The following SAMMSON variants were observed in gnomAD, a reference collection of about 807,000 sequenced individuals.
SAMMSON encodes survival associated mitochondrial melanoma specific oncogenic non-coding RNA.
At chr3:70,026,904 G>A (rs532875388) in intron 3 of SAMMSON, among the ~76,000 whole-genome samples, 1 of 152,128 alleles carries the variant, frequency 6.6e-6, no homozygotes, top group African/African-American at 2.4e-5. Flanking sequence ...AGCATCCCCG[G>A]ATGGTGGAAT....
chr3:70,124,673 G>A (rs1250130402), intron 4 of SAMMSON, among the ~76,000 whole-genome samples: 1 of 151,600 alleles, frequency 6.6e-6, no homozygotes, highest in Non-Finnish European at 1.5e-5. Flanking sequence ...AAATTAGCTG[G>A]GTGTGGTGGC....
intron 9 of SAMMSON, among the ~76,000 whole-genome samples, chr3:70,371,575 CTAGGCATT>C (rs1702970252): frequency 6.6e-6 from 1 of 151,710 alleles, no homozygotes; most frequent in South Asian, 2.1e-4. Flanking sequence ...AAATTTATTC[CTAGGCATT>C]TTATTTTTTA....
chr3:70,144,791 C>T (rs1351461262), intron 4 of SAMMSON, among the ~76,000 whole-genome samples: 1 of 152,126 alleles, frequency 6.6e-6, no homozygotes, highest in Non-Finnish European at 1.5e-5. Context: ...CTCTCTTTGC[C>T]TGCTGCCATC....
At chr3:70,034,868 T>C (rs2067079626) in intron 3 of SAMMSON, among the ~76,000 whole-genome samples, 1 of 151,984 alleles carries the variant, frequency 6.6e-6, no homozygotes, top group South Asian at 2.1e-4. Flanking sequence ...AACAAAACCC[T>C]TTTGTTCTAT....
At chr3:70,417,196 C>G (rs1281699488) in intron 2 of SAMMSON, among the ~76,000 whole-genome samples, 1 of 152,092 alleles carries the variant, frequency 6.6e-6, no homozygotes. Flanking sequence ...AGTATTTTAC[C>G]CCTTTACCAA....
At chr3:70,419,107 C>G (rs1214169941) in intron 2 of SAMMSON, among the ~76,000 whole-genome samples, 1 of 152,002 alleles carries the variant, frequency 6.6e-6, no homozygotes, top group East Asian at 1.9e-4. Flanking sequence ...TCACTGCAAT[C>G]TCTGCCTCCT....
chr3:70,380,333 C>A, intron 9 of SAMMSON, among the ~76,000 whole-genome samples: 1 of 151,972 alleles, frequency 6.6e-6, no homozygotes, highest in African/African-American at 2.4e-5. Flanking sequence ...AAAAGAGATA[C>A]GAGTACAAAA....
intron 7 of SAMMSON, among the ~76,000 whole-genome samples, chr3:70,346,163 A>AT (rs1702748949): frequency 1.3e-5 from 2 of 151,974 alleles, no homozygotes; most frequent in African/African-American, 4.8e-5. Flanking sequence ...ATTTTTTTGG[A>AT]TTTTAGCCAT....
intron 4 of SAMMSON, among the ~76,000 whole-genome samples, chr3:70,131,595 A>G (rs948118659): frequency 6.6e-6 from 1 of 152,132 alleles, no homozygotes; most frequent in Admixed American, 6.6e-5. Context: ...ATAATTTGCA[A>G]TTAAAAAAAA....
At chr3:70,151,967 G>A (rs960683037) in intron 4 of SAMMSON, among the ~76,000 whole-genome samples, 1 of 151,968 alleles carries the variant, frequency 6.6e-6, no homozygotes, top group African/African-American at 2.4e-5. Flanking sequence ...TTAAAAAATA[G>A]TGTTAAGGAT....
chr3:70,306,824 C>T (rs1702405676), intron 7 of SAMMSON, among the ~76,000 whole-genome samples: 1 of 152,106 alleles, frequency 6.6e-6, no homozygotes. Flanking sequence ...AAACTTATTT[C>T]AATACTCTTA....
At chr3:70,042,138 C>G (rs1244571484) in intron 3 of SAMMSON, among the ~76,000 whole-genome samples, 1 of 152,004 alleles carries the variant, frequency 6.6e-6, no homozygotes, top group East Asian at 1.9e-4. Context: ...GCACATATCC[C>G]TCATTTGAGA....
intron 3 of SAMMSON, among the ~76,000 whole-genome samples, chr3:70,042,997 A>G (rs2067111459): frequency 6.6e-6 from 1 of 152,148 alleles, no homozygotes; most frequent in Non-Finnish European, 1.5e-5. Flanking sequence ...GTATGTCCAC[A>G]CACAATAAAA....
chr3:70,041,889 AT>A (rs2067107720), intron 3 of SAMMSON, among the ~76,000 whole-genome samples: 1 of 152,120 alleles, frequency 6.6e-6, no homozygotes, highest in Non-Finnish European at 1.5e-5. Flanking sequence ...CAGGAAAAAA[AT>A]CTTGCAGTTA....
chr3:70,072,662 AAAAAC>A (rs2067234660), intron 4 of SAMMSON: 1 of 151,486 alleles, frequency 6.6e-6, no homozygotes, highest in Non-Finnish European at 1.5e-5. Flanking sequence ...AAAAAAAAAA[AAAAAC>A]AGAAAAAAAT....
At chr3:70,293,051 A>C (rs1326054840) in intron 7 of SAMMSON, among the ~76,000 whole-genome samples, 1 of 78,358 alleles carries the variant, frequency 1.3e-5, no homozygotes. Flanking sequence ...GAAGCAAAAA[A>C]AAAAAAAAAA....
chr3:70,132,785 GAAAAGA>G (rs1559520680), intron 4 of SAMMSON, among the ~76,000 whole-genome samples: 3 of 62,496 alleles, frequency 4.8e-5, no homozygotes, highest in African/African-American at 1.4e-4. Flanking sequence ...AAAAAAAAAA[GAAAAGA>G]AAAAAAAAAC....
intron 4 of SAMMSON, among the ~76,000 whole-genome samples, chr3:70,095,423 G>T (rs922492487): frequency 2.6e-5 from 4 of 152,154 alleles, no homozygotes; most frequent in Non-Finnish European, 5.9e-5. Context: ...TGCTTGATGG[G>T]AGAGGGAGGT....
chr3:70,033,117 A>G (rs2067071824), intron 3 of SAMMSON, among the ~76,000 whole-genome samples: 1 of 152,116 alleles, frequency 6.6e-6, no homozygotes, highest in African/African-American at 2.4e-5. Context: ...AAGCCAATTG[A>G]CTTTAAGTAG....
Sources: gnomAD v4.1 joint callset for allele counts (sites outside exome capture counted in the v4.1 genomes callset) on GRCh38, gnomAD v4.1.1 for gene constraint, MANE v1.5 for transcripts, NCBI Gene and HGNC (gene_info 2026-07-23, HGNC 2026-07-21) for gene names.